The following BZW1 variants were observed in gnomAD, a reference collection of about 807,000 sequenced individuals.
BZW1 encodes the protein basic leucine zipper and W2 domains 1.
In BZW1, 3 loss-of-function variants were observed where a neutral mutation model predicts 54.1. That is an observed-to-expected ratio of 0.06 (90% confidence interval 0.03 to 0.14). The LOEUF is 0.14. Among genes scored for constraint, BZW1 ranks in the 10% least tolerant of loss-of-function variants. BZW1 has a pLI of 1.00. For missense variants in BZW1, 206 were observed against 491.7 expected (o/e 0.42, Z 5.50); for synonymous variants, 152 against 162.7 (o/e 0.93, Z 0.50).
intron 2 of BZW1, among the ~76,000 whole-genome samples, chr2:200,814,963 A>C (rs541639494): frequency 1.2e-4 from 19 of 152,352 alleles, no homozygotes; most frequent in African/African-American, 2.9e-4. Flanking sequence ...TTGTTTGTTT[A>C]ATATTATGGA....
intron 1 of BZW1, chr2:200,812,355 C>T (rs979523941): frequency 1.3e-5 from 16 of 1,278,278 alleles, no homozygotes; most frequent in Admixed American, 4.1e-5. Flanking sequence ...GGCTGCCACC[C>T]ACCACCGCTG....
At chr2:200,816,249 C>T (rs1050766613) in intron 4 of BZW1, 76 bp from the exon 5 acceptor site, 4 of 1,051,692 alleles carry the variant, frequency 3.8e-6, no homozygotes, top group East Asian at 5.1e-5. Flanking sequence ...CATAAACTTA[C>T]ATCGAGTGAA....
intron 10 of BZW1, among the ~76,000 whole-genome samples, chr2:200,820,603 G>C (rs2038473867): frequency 1.3e-5 from 2 of 152,088 alleles, no homozygotes; most frequent in African/African-American, 4.8e-5. Context: ...GATCACTTGA[G>C]CCTAGGAGGT....
At position 200,821,227 on chromosome 2, in the gene BZW1, G is replaced by A; in HGVS notation, c.1150G>A (p.Ala384Thr). 1 of 1,612,406 alleles carries A rather than the reference G, an allele frequency of 6.2e-7. No individual in the cohort carries two copies. Among genetic ancestry groups the A allele is most frequent in the Non-Finnish European group, 8.5e-7 (1 of 1,179,678 alleles). ...GCCCATTTTGAAGTGGTATAAAGAT[G>A]CACATGTTGCAAAGGGGAAGAGTGT... The part of the protein sequence containing the change: ...EEPILKWYKD[A>T]HVAKGKSVFL... Residue 384 changes from alanine to threonine, a missense_variant, in exon 11 of 12, where the codon GCA (alanine) becomes ACA (threonine). Transcript: ENST00000409600.
chr2:200,816,540 G>C (rs1036108857), intron 5 of BZW1, 150 bp downstream of exon 5: 1 of 485,932 alleles, frequency 2.1e-6, no homozygotes, highest in Non-Finnish European at 3.6e-6. Flanking sequence ...TCCCAGGCTG[G>C]GGGTGCAGTG....
chr2:200,814,904 A>C (rs1356351115), intron 2 of BZW1, among the ~76,000 whole-genome samples: 3 of 152,240 alleles, frequency 2.0e-5, no homozygotes, highest in Non-Finnish European at 4.4e-5. Context: ...CATTAAATGT[A>C]CTTTCTAAAG....
At chr2:200,814,635 C>G (rs1265004130) in intron 2 of BZW1, among the ~76,000 whole-genome samples, 1 of 152,120 alleles carries the variant, frequency 6.6e-6, no homozygotes. Context: ...TTCTTATCCC[C>G]ATTTTACAGT....
intron 1 of BZW1, chr2:200,812,272 C>G: frequency 1.6e-6 from 2 of 1,232,294 alleles, no homozygotes. Flanking sequence ...CCGTGCCCGG[C>G]CTGGCTAACA....
chr2:200,821,139 A>G (rs1333615734), intron 10 of BZW1, 44 bp from the exon 11 acceptor site: 33 of 1,604,746 alleles, frequency 2.1e-5, no homozygotes, highest in African/African-American at 2.7e-5. Flanking sequence ...AACGCTGAGT[A>G]GAGTATATTA....
At chr2:200,812,854 G>A (rs1185026509) in intron 1 of BZW1, 1 of 658,746 alleles carries the variant, frequency 1.5e-6, no homozygotes, top group South Asian at 1.5e-5. Flanking sequence ...ATCTCTCTTT[G>A]CGTTCTGCGA....
intron 1 of BZW1, chr2:200,812,555 C>G (rs1392845515): frequency 7.1e-7 from 1 of 1,407,912 alleles, no homozygotes. Context: ...GGGTCCTGGG[C>G]GGGAAGCGGG....
chr2:200,814,175 G>A (rs2038202913), intron 2 of BZW1, among the ~76,000 whole-genome samples: 1 of 152,354 alleles, frequency 6.6e-6, no homozygotes, highest in African/African-American at 2.4e-5. Context: ...CAGTTTGGCA[G>A]TAAAATGGGA....
chr2:200,818,806 G>C lies in BZW1; in HGVS notation c.871G>C (p.Val291Leu). The C allele has an allele frequency of 6.3e-7, 1 of 1,598,620 alleles. No individual in the cohort carries two copies. Reference protein sequence around the residue: ...EMKKNNIPEPVVIGIVWSSVM... With the variant: ...EMKKNNIPEPLVIGIVWSSVM... ...GAAAAAAAACAACATCCCAGAGCCA[G>C]TTGTCATCGGAATAGTCTGGTCAAG... is the stretch of plus-strand genomic sequence containing the variant. Residue 291 changes from valine (V) to leucine (L), a missense_variant, in exon 9 of 12, where the codon GTT becomes CTT. Val to Leu is a conservative substitution (Grantham distance 32). Coordinates refer to ENST00000409600, the MANE Select transcript of BZW1 (RefSeq NM_001207067.2).
chr2:200,811,881 G>A (rs1380102965), upstream of BZW1: 3 of 197,966 alleles, frequency 1.5e-5, no homozygotes, highest in East Asian at 2.3e-4. Context: ...GTCCGGGCGG[G>A]GGTGGCACCT....
At chr2:200,822,022 G>A in intron 11 of BZW1, 125 bp from the exon 12 acceptor site, 1 of 839,514 alleles carries the variant, frequency 1.2e-6, no homozygotes, top group South Asian at 1.5e-5. Flanking sequence ...TGAGCCAAGA[G>A]GGTGCTGCTG....
chr2:200,822,042 C>G, intron 11 of BZW1, 105 bp from the exon 12 acceptor site: 1 of 1,093,246 alleles, frequency 9.1e-7, no homozygotes. Context: ...GCATTCCGGC[C>G]TGTGGGACAG....
rs1559318464 is a variant in BZW1, at chr2:200,826,422, T to TGATAGA, written c.*4244_*4245insGATAGA. 2.0e-5 allele frequency: 2 copies of TGATAGA among 99,796 alleles called. No homozygotes were observed. Among genetic ancestry groups the TGATAGA allele is most frequent in the South Asian group, 3.5e-4 (1 of 2,846 alleles). The allele number at this position is 99,796 out of a possible 1,614,324, so 6.2% of individuals were successfully genotyped here. ...ATAGATAGATATTTTTTTTTTTTTTTTTTTTTTTTTTTTTTTTTTTGAGAC... is the reference window on the plus strand; with the variant it reads ...ATAGATAGATATTTTTTTTTTTTTTTGATAGATTTTTTTTTTTTTTTTTTTTGAGAC... On this transcript the variant is annotated 3_prime_UTR_variant, in exon 12 of 12. Transcript: ENST00000409600.
chr2:200,812,096 C>T (rs1334013053), intron 1 of BZW1, 106 bp downstream of exon 1: 2 of 616,502 alleles, frequency 3.2e-6, no homozygotes, highest in African/African-American at 3.8e-5. Flanking sequence ...TTGGATGGGC[C>T]CGAACGGAGG....
rs747143457 is a variant in BZW1 at position 200,824,234 on chromosome 2, CAGATTCCATTCCATATAAAA to C, written c.*2068_*2087del. On this transcript the variant is annotated 3_prime_UTR_variant, in exon 12 of 12. Coordinates refer to ENST00000409600, the MANE Select transcript of BZW1 (RefSeq NM_001207067.2). ...AAGGGAATGCTTTATAAAAAGATTG[CAGATTCCATTCCATATAAAA>C]AGATTCCATTCTGAATCTTAAGTGG... The C allele has an allele frequency of 1.3e-5, 2 of 152,148 alleles. No individual in the cohort carries two copies. Among genetic ancestry groups the C allele is most frequent in the Non-Finnish European group, 2.9e-5 (2 of 68,012 alleles). The allele number at this position is 152,148 out of a possible 1,614,324, so 9.4% of individuals were successfully genotyped here. A position where few individuals can be genotyped will look rare whatever the true frequency, so the allele number is the denominator to read the frequency against.
Sources: allele counts gnomAD v4.1 joint callset (sites outside exome capture counted in the v4.1 genomes callset), GRCh38; gene constraint gnomAD v4.1.1; transcripts MANE v1.5; gene names NCBI Gene and HGNC (gene_info 2026-07-23, HGNC 2026-07-21).